MAFF: variants seen among roughly 807,000 people sequenced by gnomAD.
The protein encoded by MAFF is transcription factor MafF.
In MAFF, 4 loss-of-function variants were observed where a neutral mutation model predicts 2.7. The ratio of observed to expected loss-of-function variants is 1.48; its 90% CI spans 0.73 to 3.39. The LOEUF is 3.39. MAFF is among the 30% of genes most tolerant of loss of function. The pLI, the probability that MAFF is intolerant of heterozygous loss-of-function variation, is 0.01. For missense variants in MAFF, 190 were observed against 246.6 expected (o/e 0.77, Z 1.54); for synonymous variants, 113 against 119.4 (o/e 0.95, Z 0.35).
At chr22:38,209,411 G>A (rs2091079963) in intron 1 of MAFF, among the ~76,000 whole-genome samples, 2 of 152,090 alleles carry the variant, frequency 1.3e-5, no homozygotes, top group Admixed American at 6.6e-5. Flanking sequence ...TCAGATTCGC[G>A]TGGTGCAAAG....
At chr22:38,212,903 C>G (rs1568999732) in intron 1 of MAFF, among the ~76,000 whole-genome samples, 1 of 152,128 alleles carries the variant, frequency 6.6e-6, no homozygotes, top group Non-Finnish European at 1.5e-5. Context: ...CAGTGGCTCA[C>G]ACCTGTCCAG....
intron 1 of MAFF, among the ~76,000 whole-genome samples, chr22:38,206,443 G>A (rs1298327622): frequency 2.0e-5 from 3 of 149,306 alleles, no homozygotes; most frequent in Non-Finnish European, 4.4e-5. Flanking sequence ...CCGGGTTCAT[G>A]CAATTCTTCT....
rs2091026151 is a variant in MAFF, at chr22:38,202,971, G to A, written c.-32+759G>A. ...CCCCAGTGTTTGTCTCCCGCCCAGA[G>A]CCCGCGCCCGCAGCCACAGGGTGGG... On this transcript the variant is annotated intron_variant, in intron 1 of 2. Transcript: ENST00000338483. This position sits in a 1 kb window ranked among gnomAD's most constrained non-coding sequence, Gnocchi z 7.4. 1 of 152,274 alleles carries A rather than the reference G, an allele frequency of 6.6e-6. No individual in the cohort carries two copies. The allele number at this position is 152,274 out of a possible 1,614,324, so 9.4% of individuals were successfully genotyped here.
chr22:38,209,738 C>T (rs2091082602), intron 1 of MAFF, among the ~76,000 whole-genome samples: 1 of 146,742 alleles, frequency 6.8e-6, no homozygotes, highest in African/African-American at 2.6e-5. Context: ...CGCTTGAACC[C>T]AGGAGGCGGA....
Position 38,214,866 on chromosome 22 carries a change from CTCCTGCTCCTAGTG to C in MAFF, c.484_*2del. 1.3e-6 allele frequency: 2 copies of C among 1,515,362 alleles called. No individual in the cohort carries two copies. Among genetic ancestry groups the C allele is most frequent in the Non-Finnish European group, 1.8e-6 (2 of 1,132,644 alleles). 93.9% of individuals were successfully genotyped at this position (1,515,362 alleles called of 1,614,324 possible). On this transcript the variant is annotated stop_lost and 3_prime_UTR_variant, in exon 3 of 3. Coordinates refer to ENST00000338483, the MANE Select transcript of MAFF (RefSeq NM_012323.4). This position sits in a 1 kb window ranked among gnomAD's most constrained non-coding sequence, Gnocchi z 6.3. ...GCCCGGACCCCGCCCACGGCCCGGC[CTCCTGCTCCTAGTG>C]CCCGCCCCCGCCATGCCTCAGCCAC...
At chr22:38,212,486 C>A (rs999378542) in intron 1 of MAFF, among the ~76,000 whole-genome samples, 1 of 152,194 alleles carries the variant, frequency 6.6e-6, no homozygotes, top group African/African-American at 2.4e-5. Context: ...CAGCCCAGAG[C>A]AATGACCACT....
chr22:38,209,827 AAAAAAAAAGGG>A (rs1174872282), intron 1 of MAFF, among the ~76,000 whole-genome samples: 7 of 149,904 alleles, frequency 4.7e-5, no homozygotes, highest in African/African-American at 1.8e-4. Context: ...AAAAAAAAAA[AAAAAAAAAGGG>A]AAAAAAAAAA....
chr22:38,210,476 C>T (rs763970957), intron 1 of MAFF, among the ~76,000 whole-genome samples: 4 of 152,072 alleles, frequency 2.6e-5, no homozygotes, highest in South Asian at 2.1e-4. Flanking sequence ...GGGGAGGCCG[C>T]GGTGAATCAG....
In MAFF at chr22:38,214,815, G is replaced by T. The variant is rs999538977; in HGVS notation, c.432G>T (p.Pro144=). 2 of 1,489,012 alleles carry T rather than the reference G, an allele frequency of 1.3e-6. No individual in the cohort carries two copies. Among genetic ancestry groups the T allele is most frequent in the Middle Eastern group, 1.7e-4 (1 of 5,786 alleles). 92.2% of individuals were successfully genotyped at this position (1,489,012 alleles called of 1,614,324 possible). A position where few individuals can be genotyped will look rare whatever the true frequency, so the allele number is the denominator to read the frequency against. The change falls in exon 3 of 3, where the codon CCG becomes CCT. Residue 144 remains proline, a synonymous_variant. Coordinates refer to ENST00000338483, the MANE Select transcript of MAFF (RefSeq NM_012323.4). This position sits in a 1 kb window ranked among gnomAD's most constrained non-coding sequence, Gnocchi z 6.3. The stretch of plus-strand genomic sequence containing the variant: ...TCATCACCATCGTCAAGTCCACCCC[G>T]GGCTCGGGGTCTGGCCCCGCCCACG... ...ASVITIVKST[P]GSGSGPAHGP... is the part of the protein sequence containing the mutation.
At chr22:38,205,776 G>A (rs2091046797) in intron 1 of MAFF, 1 of 152,246 alleles carries the variant, frequency 6.6e-6, no homozygotes, top group African/African-American at 2.4e-5. Flanking sequence ...TGCTGAACAG[G>A]GGATCGGATC....
At position 38,214,461 on chromosome 22, in the gene MAFF, C is replaced by G; in HGVS notation, c.78C>G (p.Asp26Glu). 6.2e-7 allele frequency: 1 copy of G among 1,608,302 alleles called. No individual in the cohort carries two copies. Among genetic ancestry groups the G allele is most frequent in the South Asian group, 1.1e-5 (1 of 90,852 alleles). Reference protein sequence around the residue: ...ELSENTPHLSDEALMGLSVRE... With the variant: ...ELSENTPHLSEEALMGLSVRE... ...GCGAGAACACGCCGCACCTGTCGGA[C>G]GAGGCGCTGATGGGGCTGTCGGTGC... The change falls in exon 3 of 3, where the codon GAC becomes GAG. Residue 26 changes from aspartate to glutamate, a missense_variant. Coordinates refer to ENST00000338483, the MANE Select transcript of MAFF (RefSeq NM_012323.4). The surrounding 1 kb of genome is among the most constrained non-coding windows in gnomAD (Gnocchi z 6.3).
chr22:38,211,373 C>T lies in MAFF; in HGVS notation c.-31-2450C>T, dbSNP rs574461163. 3.2e-3 allele frequency among the ~76,000 whole-genome samples: 491 copies of T among 152,144 alleles called. 1 individual carries two copies. Among genetic ancestry groups the T allele is most frequent in the African/African-American group, 0.011 (470 of 41,500 alleles). Reference sequence around the variant, plus strand: ...TCCCAAGTAGCTGGGACTACAGGCACGTGCCACCACGCCCGGCTAATTTTC... The same window carrying T: ...TCCCAAGTAGCTGGGACTACAGGCATGTGCCACCACGCCCGGCTAATTTTC... On this transcript the variant is annotated intron_variant, in intron 1 of 2. Coordinates refer to ENST00000338483, the MANE Select transcript of MAFF (RefSeq NM_012323.4).
chr22:38,215,891 C>G lies in MAFF; in HGVS notation c.*1013C>G, dbSNP rs2091145626. On this transcript the variant is annotated 3_prime_UTR_variant, in exon 3 of 3. Transcript: ENST00000338483. ...TGGGAAGCCCAGTCTCAGTCCCTCC[C>G]CCAACACTGTCCACACTGCCCCTCC... The G allele has an allele frequency of 1.2e-5, 2 of 167,184 alleles. No homozygotes were observed. The highest frequency in any genetic ancestry group is 4.1e-4 in the South Asian group (2 of 4,838). 10.4% of individuals were successfully genotyped at this position (167,184 alleles called of 1,614,324 possible). A position where few individuals can be genotyped will look rare whatever the true frequency, so the allele number is the denominator to read the frequency against.
rs1040394544 is a variant in MAFF, at chr22:38,204,878, G to C, written c.-32+2666G>C. Among the ~76,000 whole-genome samples the C allele has an allele frequency of 4.6e-5, 7 of 152,146 alleles. No homozygotes were observed. In the East Asian group the frequency reaches 1.2e-3, roughly 25 times the overall value. On this transcript the variant is annotated intron_variant, in intron 1 of 2. Coordinates refer to ENST00000338483, the MANE Select transcript of MAFF (RefSeq NM_012323.4). The stretch of plus-strand genomic sequence containing the variant: ...TTTGAAATGGGCCAAGCACGGACAG[G>C]CTCGTGGGTTTGTGTCAGTAGTGAT...
rs6001051 is a variant in MAFF, at chr22:38,210,953, G to A, written c.-31-2870G>A. ...CATGCACCTATAGTTCCAGCTACTAGGGAGGCTGAGGTAGGAGGACCACTT... is the reference window on the plus strand; with the variant it reads ...CATGCACCTATAGTTCCAGCTACTAAGGAGGCTGAGGTAGGAGGACCACTT... On this transcript the variant is annotated intron_variant, in intron 1 of 2. Coordinates refer to ENST00000338483, the MANE Select transcript of MAFF (RefSeq NM_012323.4). 9.7e-3 allele frequency among the ~76,000 whole-genome samples: 1,474 copies of A among 152,152 alleles called. 21 individuals are homozygous for A. The highest frequency in any genetic ancestry group is 0.034 in the African/African-American group (1,422 of 41,520).
At position 38,214,321 on chromosome 22, in the gene MAFF, C is replaced by A; in HGVS notation, c.37-99C>A. The A allele has an allele frequency of 8.5e-7, 1 of 1,182,544 alleles. No individual in the cohort carries two copies. Among genetic ancestry groups the A allele is most frequent in the Non-Finnish European group, 1.2e-6 (1 of 865,292 alleles). The allele number at this position is 1,182,544 out of a possible 1,614,324, so 73.3% of individuals were successfully genotyped here. On this transcript the variant is annotated intron_variant, in intron 2 of 2. Transcript: ENST00000338483. The surrounding 1 kb of genome is among the most constrained non-coding windows in gnomAD (Gnocchi z 6.3). ...TTCGGGGTTTTGGATCAAGTCCACC[C>A]ACCACCTCGGCGGCTAAGGCGGTGA...
intron 1 of MAFF, among the ~76,000 whole-genome samples, chr22:38,209,667 G>A (rs1295659286): frequency 6.6e-6 from 1 of 151,918 alleles, no homozygotes; most frequent in Non-Finnish European, 1.5e-5. Flanking sequence ...ACAAAAATTA[G>A]CTGGGCGTGG....
At position 38,214,607 on chromosome 22, in the gene MAFF, A is replaced by T; in HGVS notation, c.224A>T (p.Gln75Leu). ...AASCRVKRVC[Q>L]KEELQKQKSE... ...AGCTGCCGCGTGAAGCGCGTGTGCCAGAAGGAGGAGCTGCAGAAGCAGAAG... is the reference window on the plus strand; with the variant it reads ...AGCTGCCGCGTGAAGCGCGTGTGCCTGAAGGAGGAGCTGCAGAAGCAGAAG... The change falls in exon 3 of 3, where the codon CAG becomes CTG. Residue 75 changes from glutamine (Q) to leucine (L), a missense_variant. Around this residue, in one of 2 missense-constraint regions of MAFF, gnomAD observed 87 missense variants for 143.6 expected, o/e 0.61. Coordinates refer to ENST00000338483, the MANE Select transcript of MAFF (RefSeq NM_012323.4). The surrounding 1 kb of genome is among the most constrained non-coding windows in gnomAD (Gnocchi z 6.3). 6.3e-7 allele frequency: 1 copy of T among 1,580,510 alleles called. No homozygotes were observed. Among genetic ancestry groups the T allele is most frequent in the Non-Finnish European group, 8.6e-7 (1 of 1,164,036 alleles).
intron 1 of MAFF, among the ~76,000 whole-genome samples, chr22:38,208,413 G>A (rs546553018): frequency 6.6e-6 from 1 of 152,182 alleles, no homozygotes; most frequent in Non-Finnish European, 1.5e-5. Flanking sequence ...CCAAAGTCAC[G>A]TGGATGGGAT....
Sources: allele counts gnomAD v4.1 joint callset (sites outside exome capture counted in the v4.1 genomes callset), GRCh38; gene constraint gnomAD v4.1.1; regional missense constraint gnomAD v4.1.1; non-coding constraint Gnocchi (gnomAD v3.1); transcripts MANE v1.5; gene names NCBI Gene and HGNC (gene_info 2026-07-23, HGNC 2026-07-21).